The following NRG3 variants were observed in gnomAD, a reference collection of about 807,000 sequenced individuals.
NRG3 encodes the protein pro-neuregulin-3, membrane-bound isoform.
NRG3 carries 31 observed loss-of-function variants against 66.9 expected under a neutral mutation model. That is an observed-to-expected ratio of 0.46 (90% CI 0.35 to 0.63). The LOEUF (loss-of-function observed/expected upper bound fraction) is 0.63. Ranked by LOEUF, NRG3 falls within the 20% of genes least tolerant of loss-of-function variation. NRG3 has a pLI of 0.00. For missense variants in NRG3, 910 were observed against 878.9 expected (o/e 1.04, Z -0.45); for synonymous variants, 393 against 359.4 (o/e 1.09, Z -1.06).
chr10:82,417,600 A>C (rs1197571207), intron 2 of NRG3, among the ~76,000 whole-genome samples: 1 of 152,172 alleles, frequency 6.6e-6, no homozygotes, highest in African/African-American at 2.4e-5. Context: ...GCTATTGTCC[A>C]CAGTATTCTA....
At chr10:82,808,854 A>C (rs909733260) in intron 3 of NRG3, among the ~76,000 whole-genome samples, 2 of 152,212 alleles carry the variant, frequency 1.3e-5, no homozygotes, top group Non-Finnish European at 2.9e-5. Context: ...ACATATAAAC[A>C]CTAAAATTAC....
At chr10:82,435,504 G>A (rs993678116) in intron 2 of NRG3, among the ~76,000 whole-genome samples, 2 of 151,834 alleles carry the variant, frequency 1.3e-5, no homozygotes, top group Non-Finnish European at 2.9e-5. Flanking sequence ...GGATTAGTTT[G>A]CTCTTGCCTC....
chr10:82,643,774 T>C (rs560555668), intron 2 of NRG3, among the ~76,000 whole-genome samples: 13 of 152,218 alleles, frequency 8.5e-5, no homozygotes, highest in African/African-American at 3.1e-4. Flanking sequence ...TTCTCTGGCA[T>C]GTCCCTGGGC....
At chr10:82,042,516 C>G (rs2064622) in intron 1 of NRG3, among the ~76,000 whole-genome samples, 1 of 151,728 alleles carries the variant, frequency 6.6e-6, no homozygotes, top group East Asian at 1.9e-4. Context: ...GAAGTTGGTG[C>G]TACTGTATTT....
At chr10:82,747,884 A>C (rs1180323510) in intron 3 of NRG3, among the ~76,000 whole-genome samples, 1 of 151,878 alleles carries the variant, frequency 6.6e-6, no homozygotes, top group Non-Finnish European at 1.5e-5. Context: ...CCTAAGAATG[A>C]AATGAATTAA....
chr10:82,210,186 A>G (rs2075329274), intron 1 of NRG3, among the ~76,000 whole-genome samples: 1 of 152,126 alleles, frequency 6.6e-6, no homozygotes, highest in East Asian at 1.9e-4. Flanking sequence ...AAGTATAAAG[A>G]CTTTACAGAT....
At chr10:82,349,335 C>T (rs546539410) in intron 1 of NRG3, among the ~76,000 whole-genome samples, 201 of 152,106 alleles carry the variant, frequency 1.3e-3, no homozygotes, top group Non-Finnish European at 2.0e-3. Context: ...TGTGAGATGT[C>T]AGTGTGCCCC....
At chr10:82,537,004 A>C (rs1411908748) in intron 2 of NRG3, among the ~76,000 whole-genome samples, 1 of 151,942 alleles carries the variant, frequency 6.6e-6, no homozygotes, top group Non-Finnish European at 1.5e-5. Context: ...ACTTGGAGAA[A>C]GTAGGTTTAG....
At chr10:82,492,828 G>A (rs1279622832) in intron 2 of NRG3, among the ~76,000 whole-genome samples, 1 of 152,208 alleles carries the variant, frequency 6.6e-6, no homozygotes, top group African/African-American at 2.4e-5. Flanking sequence ...ACAAAGGTCA[G>A]TGATCTCTCT....
intron 1 of NRG3, among the ~76,000 whole-genome samples, chr10:81,989,368 G>A (rs892672384): frequency 4.6e-5 from 7 of 152,044 alleles, no homozygotes; most frequent in African/African-American, 1.7e-4. Flanking sequence ...AAAAGATATA[G>A]ATGGTGAAGA....
intron 3 of NRG3, among the ~76,000 whole-genome samples, chr10:82,822,257 C>A (rs781543865): frequency 2.6e-5 from 4 of 152,078 alleles, no homozygotes; most frequent in Non-Finnish European, 5.9e-5. Context: ...CATTCCAGAA[C>A]TCTGAGTCCA....
chr10:82,073,008 CAA>C (rs1366770186), intron 1 of NRG3, among the ~76,000 whole-genome samples: 1 of 151,846 alleles, frequency 6.6e-6, no homozygotes, highest in East Asian at 1.9e-4. Context: ...CTCCTGGTCT[CAA>C]GAGATACACT....
intron 2 of NRG3, among the ~76,000 whole-genome samples, chr10:82,415,747 A>G (rs2088509911): frequency 6.6e-6 from 1 of 152,138 alleles, no homozygotes; most frequent in African/African-American, 2.4e-5. Context: ...TGTGAACTGT[A>G]TAATTGGTAG....
At chr10:81,964,463 C>T (rs2059654708) in intron 1 of NRG3, among the ~76,000 whole-genome samples, 1 of 149,922 alleles carries the variant, frequency 6.7e-6, no homozygotes, top group Admixed American at 6.6e-5. Flanking sequence ...AAAACATCTG[C>T]AACAAATTCC....
At chr10:81,962,020 T>G (rs981015689) in intron 1 of NRG3, among the ~76,000 whole-genome samples, 1 of 152,188 alleles carries the variant, frequency 6.6e-6, no homozygotes, top group Non-Finnish European at 1.5e-5. Flanking sequence ...TTCAGCCCTA[T>G]TAAGCCAAAA....
chr10:82,896,598 TATATGTAAA>T (rs1564612055), intron 4 of NRG3, among the ~76,000 whole-genome samples: 1 of 152,240 alleles, frequency 6.6e-6, no homozygotes, highest in Non-Finnish European at 1.5e-5. Flanking sequence ...TGAACATTGA[TATATGTAAA>T]ATATGTAAGT....
At chr10:82,833,892 A>G (rs1029881542) in intron 3 of NRG3, among the ~76,000 whole-genome samples, 2 of 152,218 alleles carry the variant, frequency 1.3e-5, no homozygotes, top group Admixed American at 6.5e-5. Context: ...AATATGGCCA[A>G]TTTAATATTC....
chr10:82,213,241 G>T (rs936292622), intron 1 of NRG3, among the ~76,000 whole-genome samples: 1 of 152,138 alleles, frequency 6.6e-6, no homozygotes, highest in African/African-American at 2.4e-5. Context: ...GAGTAGAAAA[G>T]AATAAAATAC....
At chr10:82,533,435 T>C (rs372259842) in intron 2 of NRG3, among the ~76,000 whole-genome samples, 1 of 150,410 alleles carries the variant, frequency 6.6e-6, no homozygotes, top group African/African-American at 2.4e-5. Flanking sequence ...CTCAAATTTA[T>C]GTTGATAATC....
Sources: allele counts gnomAD v4.1 joint callset (sites outside exome capture counted in the v4.1 genomes callset), GRCh38; gene constraint gnomAD v4.1.1; transcripts MANE v1.5; gene names NCBI Gene and HGNC (gene_info 2026-07-23, HGNC 2026-07-21).